WDR83: variants seen among roughly 807,000 people sequenced by gnomAD.
WDR83 encodes WD repeat domain-containing protein 83.
A neutral mutation model predicts 37.7 loss-of-function variants in WDR83; 37 were observed. The observed-to-expected ratio is 0.98, with a 90% confidence interval of 0.76 to 1.29. The LOEUF (loss-of-function observed/expected upper bound fraction) is 1.29. Among genes scored for constraint, WDR83 ranks in the 50% most tolerant of loss-of-function variants. The pLI is 0.00. For synonymous variants in WDR83, 174 were observed against 181.1 expected (o/e 0.96, Z 0.31); for missense variants, 445 against 414.4 (o/e 1.07, Z -0.64).
rs1193650996 is a variant in WDR83, at chr19:12,669,756, C to T, written c.-35C>T. 2 of 1,549,156 alleles carry T rather than the reference C, an allele frequency of 1.3e-6. No individual in the cohort carries two copies. Among genetic ancestry groups the T allele is most frequent in the African/African-American group, 2.8e-5 (2 of 72,562 alleles). ...TAAGGCGCGGAATTTTCCGTACAGA[C>T]CGATTTAAGGCTGCAAGGAAGGAGT... is the stretch of plus-strand genomic sequence containing the variant. On this transcript the variant is annotated splice_region_variant and 5_prime_UTR_variant, in exon 3 of 11. Coordinates refer to ENST00000418543, the MANE Select transcript of WDR83 (RefSeq NM_001099737.3).
Position 12,668,562 on chromosome 19 carries a change from G to C in WDR83, c.-102G>C. The C allele has an allele frequency of 6.2e-7, 1 of 1,614,142 alleles. No homozygotes were observed. The highest frequency in any genetic ancestry group is 8.5e-7 in the Non-Finnish European group (1 of 1,180,026). On this transcript the variant is annotated 5_prime_UTR_variant, in exon 2 of 11. Transcript: ENST00000418543. ...TTGCTTCGTGTCCTCCGAGCTCCGAGAGTTGGCAAAGCTGATGAAGGAGCA... is the reference window on the plus strand; with the variant it reads ...TTGCTTCGTGTCCTCCGAGCTCCGACAGTTGGCAAAGCTGATGAAGGAGCA...
intron 10 of WDR83, among the ~76,000 whole-genome samples, chr19:12,673,640 A>G (rs1599372977): frequency 6.7e-6 from 1 of 149,350 alleles, no homozygotes; most frequent in Non-Finnish European, 1.5e-5. Flanking sequence ...CTGGTCTTAA[A>G]CTCCTGACCT....
In WDR83 at chr19:12,669,767, C is replaced by T. The variant is rs2024355606; in HGVS notation, c.-24C>T. The T allele has an allele frequency of 2.6e-6, 4 of 1,565,228 alleles. No homozygotes were observed. The highest frequency in any genetic ancestry group is 2.7e-5 in the African/African-American group (2 of 73,016). On this transcript the variant is annotated 5_prime_UTR_variant, in exon 3 of 11. Coordinates refer to ENST00000418543, the MANE Select transcript of WDR83 (RefSeq NM_001099737.3). ...ATTTTCCGTACAGACCGATTTAAGG[C>T]TGCAAGGAAGGAGTCCTGGGAGCAT...
intron 2 of WDR83, chr19:12,669,389 A>T: frequency 6.2e-7 from 1 of 1,600,280 alleles, no homozygotes; most frequent in Non-Finnish European, 8.5e-7. Context: ...GGTCCGACAT[A>T]TTGTTAGTGG....
intron 1 of WDR83, chr19:12,668,118 A>G (rs2024306147): frequency 4.0e-6 from 2 of 495,162 alleles, no homozygotes. Flanking sequence ...GAGAAAGCAA[A>G]TGAATACCCC....
intron 2 of WDR83, chr19:12,669,382 C>A: frequency 1.9e-6 from 3 of 1,601,342 alleles, no homozygotes; most frequent in Non-Finnish European, 2.6e-6. Context: ...CTCCGTGGGT[C>A]CGACATATTG....
chr19:12,666,863 T>C lies in WDR83; in HGVS notation c.-286T>C, dbSNP rs1012071293. 20 of 675,260 alleles carry C rather than the reference T, an allele frequency of 3.0e-5. No individual in the cohort carries two copies. The Admixed American group carries it at 6.0e-4, about 20-fold the overall frequency. The allele number at this position is 675,260 out of a possible 1,614,324, so 41.8% of individuals were successfully genotyped here. On this transcript the variant is annotated 5_prime_UTR_variant, in exon 1 of 11. Coordinates refer to ENST00000418543, the MANE Select transcript of WDR83 (RefSeq NM_001099737.3). ...AGCCCTGGGCAATCCCGGGGGTCGT[T>C]ACAGGAAGGTAGGAAAATGCCACCC...
chr19:12,670,254 A>T lies in WDR83; in HGVS notation c.299A>T (p.Gln100Leu). 6.2e-7 allele frequency: 1 copy of T among 1,614,136 alleles called. No individual in the cohort carries two copies. Among genetic ancestry groups the T allele is most frequent in the Non-Finnish European group, 8.5e-7 (1 of 1,180,016 alleles). The change falls in exon 5 of 11, where the codon CAG (glutamine) becomes CTG (leucine). Residue 100 changes from glutamine to leucine, a missense_variant. Coordinates refer to ENST00000418543, the MANE Select transcript of WDR83 (RefSeq NM_001099737.3). Reference protein sequence around the residue: ...AVVLWDVASGQVVRKFRGHAG... With the variant: ...AVVLWDVASGLVVRKFRGHAG... ...GTTCTGTGGGATGTGGCATCAGGGC[A>T]GGTCGTGCGCAAATTCCGGGGCCAC...
rs374993092 is a variant in WDR83, at chr19:12,669,831, C to G, written c.41C>G (p.Pro14Arg). The G allele has an allele frequency of 1.2e-6, 2 of 1,611,856 alleles. No homozygotes were observed. Among genetic ancestry groups the G allele is most frequent in the Admixed American group, 1.7e-5 (1 of 59,686 alleles). The stretch of plus-strand genomic sequence containing the variant: ...CCAAAGCCGCGGCCTCCAGAGCTGC[C>G]GCAGAAACGGTTGAAGACGCTGGAC... Reference protein sequence around the residue: ...PEPKPRPPELPQKRLKTLDCG... With the variant: ...PEPKPRPPELRQKRLKTLDCG... Residue 14 changes from proline (P) to arginine (R), a missense_variant, in exon 3 of 11, where the codon CCG becomes CGG. Pro to Arg is a moderately radical substitution (Grantham distance 103, BLOSUM62 -2). Transcript: ENST00000418543.
intron 7 of WDR83, 121 bp downstream of exon 7, chr19:12,670,942 C>G: frequency 7.0e-7 from 1 of 1,431,360 alleles, no homozygotes; most frequent in South Asian, 1.3e-5. Context: ...ATCCCAGCTA[C>G]TTGGGAGGCT....
chr19:12,675,387 T>TA, intron 10 of WDR83, 136 bp from the exon 11 acceptor site: 2 of 1,256,418 alleles, frequency 1.6e-6, no homozygotes, highest in South Asian at 1.5e-5. Context: ...AGGAGGCAAT[T>TA]AGAGGCAGGT....
intron 10 of WDR83, among the ~76,000 whole-genome samples, chr19:12,673,898 C>G (rs1366674719): frequency 6.6e-6 from 1 of 152,250 alleles, no homozygotes; most frequent in East Asian, 1.9e-4. Context: ...CAGGGTTTCA[C>G]CATGTTGGCC....
rs756634410 is a variant in WDR83, at chr19:12,675,704, C to G, written c.*32C>G. ...GGGACCCACCAACAGGACCAAGGAC[C>G]GAGACACAGACATGGAAGGACTTCA... is the stretch of plus-strand genomic sequence containing the variant. On this transcript the variant is annotated 3_prime_UTR_variant, in exon 11 of 11. Transcript: ENST00000418543. The G allele has an allele frequency of 6.3e-7, 1 of 1,596,334 alleles. No individual in the cohort carries two copies. Among genetic ancestry groups the G allele is most frequent in the Non-Finnish European group, 8.5e-7 (1 of 1,176,614 alleles).
At chr19:12,669,527 C>T in intron 2 of WDR83, 3 of 1,207,116 alleles carry the variant, frequency 2.5e-6, no homozygotes, top group East Asian at 5.1e-5. Flanking sequence ...ATGACAGAGG[C>T]TTGGACTCCC....
intron 1 of WDR83, among the ~76,000 whole-genome samples, chr19:12,667,425 G>C (rs763174498): frequency 2.6e-5 from 4 of 152,168 alleles, no homozygotes; most frequent in African/African-American, 9.7e-5. Flanking sequence ...GACCAGCCTG[G>C]GCAACATGGG....
intron 7 of WDR83, among the ~76,000 whole-genome samples, chr19:12,671,932 G>T (rs890454134): frequency 6.6e-6 from 1 of 152,146 alleles, no homozygotes; most frequent in Non-Finnish European, 1.5e-5. Context: ...TCTTGACCTC[G>T]TGATCCACCT....
chr19:12,669,272 C>A (rs770718756), intron 2 of WDR83: 1 of 1,609,792 alleles, frequency 6.2e-7, no homozygotes, highest in African/African-American at 1.3e-5. Flanking sequence ...TCAGGTCCTG[C>A]CCCCGGGATA....
Position 12,666,862 on chromosome 19 carries a change from T to A in WDR83, c.-287T>A, listed in dbSNP as rs773683203. ...TAGCCCTGGGCAATCCCGGGGGTCGTTACAGGAAGGTAGGAAAATGCCACC... is the reference window on the plus strand; with the variant it reads ...TAGCCCTGGGCAATCCCGGGGGTCGATACAGGAAGGTAGGAAAATGCCACC... On this transcript the variant is annotated 5_prime_UTR_variant, in exon 1 of 11. Coordinates refer to ENST00000418543, the MANE Select transcript of WDR83 (RefSeq NM_001099737.3). The A allele has an allele frequency of 2.8e-5, 19 of 686,716 alleles. No homozygotes were observed. The highest frequency in any genetic ancestry group is 4.5e-5 in the Non-Finnish European group (19 of 419,424). 42.5% of individuals were successfully genotyped at this position (686,716 alleles called of 1,614,324 possible).
chr19:12,668,232 G>T, intron 1 of WDR83: 1 of 981,402 alleles, frequency 1.0e-6, no homozygotes. Flanking sequence ...CCTCTATCCA[G>T]CTGGGGGCAC....
Sources: allele counts gnomAD v4.1 joint callset (sites outside exome capture counted in the v4.1 genomes callset), GRCh38; gene constraint gnomAD v4.1.1; transcripts MANE v1.5; gene names NCBI Gene and HGNC (gene_info 2026-07-23, HGNC 2026-07-21).